DCDC2: variants seen among roughly 807,000 people sequenced by gnomAD.
DCDC2 encodes the protein doublecortin domain-containing protein 2.
In DCDC2, 40 loss-of-function variants were observed where a neutral mutation model predicts 50.2. The ratio of observed to expected loss-of-function variants is 0.80; its 90% confidence interval spans 0.62 to 1.04. The LOEUF (loss-of-function observed/expected upper bound fraction) is 1.04. Among genes scored for constraint, DCDC2 ranks in the 50% least tolerant of loss-of-function variants. The pLI is 0.00. For missense variants in DCDC2, 570 were observed against 581.9 expected, an observed-to-expected ratio of 0.98 and a Z score of 0.21; for synonymous variants, 234 against 210.6, an observed-to-expected ratio of 1.11 and a Z score of -0.96.
upstream of DCDC2, among the ~76,000 whole-genome samples, chr6:24,362,403 A>ATGTT (rs1760682755): frequency 2.6e-4 from 37 of 140,828 alleles, no homozygotes; most frequent in Admixed American, 4.9e-4. Flanking sequence ...ATTTAATTGT[A>ATGTT]TATTTATACA....
chr6:24,241,096 C>T (rs891747995), intron 7 of DCDC2, among the ~76,000 whole-genome samples: 1 of 152,172 alleles, frequency 6.6e-6, no homozygotes, highest in African/African-American at 2.4e-5. Context: ...TTACCTTTGG[C>T]TTATAAAGCC....
intron 7 of DCDC2, among the ~76,000 whole-genome samples, chr6:24,232,685 T>G (rs997747336): frequency 6.6e-6 from 1 of 152,210 alleles, no homozygotes; most frequent in Non-Finnish European, 1.5e-5. Flanking sequence ...ATTATTTTGA[T>G]GGGTTGAACA....
chr6:24,335,370 G>T (rs1399950058), intron 2 of DCDC2, among the ~76,000 whole-genome samples: 1 of 152,186 alleles, frequency 6.6e-6, no homozygotes, highest in Non-Finnish European at 1.5e-5. Flanking sequence ...AGAATTAGCG[G>T]CATTAATTTT....
intron 8 of DCDC2, among the ~76,000 whole-genome samples, chr6:24,203,764 T>C (rs1278368416): frequency 2.0e-5 from 3 of 151,606 alleles, no homozygotes; most frequent in Non-Finnish European, 4.4e-5. Flanking sequence ...ATTCAGAATC[T>C]ACAAGGAACT....
chr6:24,369,372 G>T, the DCDC2 span, among the ~76,000 whole-genome samples: 1 of 152,092 alleles, frequency 6.6e-6, no homozygotes, highest in Admixed American at 6.6e-5. Flanking sequence ...ACTTTGAGAG[G>T]CTGAGGCAGG....
At chr6:24,314,538 A>C (rs137910624) in intron 2 of DCDC2, among the ~76,000 whole-genome samples, 33 of 152,278 alleles carry the variant, frequency 2.2e-4, no homozygotes, top group Middle Eastern at 3.4e-3. Context: ...TGGCCTTACT[A>C]ACCCTAAATG....
At chr6:24,310,614 A>G (rs1759554384) in intron 2 of DCDC2, among the ~76,000 whole-genome samples, 1 of 152,216 alleles carries the variant, frequency 6.6e-6, no homozygotes, top group Non-Finnish European at 1.5e-5. Context: ...CATTTTGCCA[A>G]TGACAACCAA....
chr6:24,238,795 C>G (rs1360337066), intron 7 of DCDC2, among the ~76,000 whole-genome samples: 3 of 152,068 alleles, frequency 2.0e-5, no homozygotes, highest in Non-Finnish European at 2.9e-5. Context: ...GCAGATAGCC[C>G]CATCAGGAGC....
At chr6:24,357,365 T>C (rs1760490642) in intron 1 of DCDC2, 93 bp downstream of exon 1, 3 of 1,401,404 alleles carry the variant, frequency 2.1e-6, no homozygotes, top group East Asian at 4.7e-5. Flanking sequence ...CCTCAACCAC[T>C]GAGGTGTGGG....
chr6:24,244,648 A>G (rs1450148307), intron 7 of DCDC2, among the ~76,000 whole-genome samples: 1 of 152,174 alleles, frequency 6.6e-6, no homozygotes, highest in East Asian at 1.9e-4. Flanking sequence ...TTTCCTCTCC[A>G]TTCCCCACCT....
chr6:24,175,382 C>A (rs1246554056), intron 9 of DCDC2, among the ~76,000 whole-genome samples: 2 of 152,244 alleles, frequency 1.3e-5, no homozygotes, highest in East Asian at 3.9e-4. Flanking sequence ...GACATTGTCT[C>A]ATGTACAACT....
In DCDC2 at chr6:24,349,339, T is replaced by C. The variant is rs146980119; in HGVS notation, c.348+4230A>G. On this transcript the variant is annotated intron_variant, in intron 2 of 9. Transcript: ENST00000378454. ...ATTCCTGGATGTGAGAGGTCATGCA[T>C]GTCTTAATCATTTTGCTTACTCTGC... Among the ~76,000 whole-genome samples the C allele has an allele frequency of 4.6e-5, 7 of 152,382 alleles. No homozygotes were observed. In the East Asian group the frequency reaches 1.2e-3, roughly 25 times the overall value.
intron 7 of DCDC2, among the ~76,000 whole-genome samples, chr6:24,254,431 T>G (rs1259365693): frequency 6.6e-6 from 1 of 152,152 alleles, no homozygotes; most frequent in Non-Finnish European, 1.5e-5. Flanking sequence ...CACAAACACA[T>G]GACTAATGAC....
intron 4 of DCDC2, among the ~76,000 whole-genome samples, chr6:24,299,284 T>C (rs1759322665): frequency 1.3e-5 from 2 of 152,110 alleles, no homozygotes; most frequent in South Asian, 4.1e-4. Flanking sequence ...GGAGCTTAAA[T>C]ATTGGGTACA....
At chr6:24,181,908 A>G (rs551116081) in intron 8 of DCDC2, among the ~76,000 whole-genome samples, 1 of 152,332 alleles carries the variant, frequency 6.6e-6, no homozygotes, top group South Asian at 2.1e-4. Flanking sequence ...TCTTTATTTC[A>G]AAGCTTACTG....
chr6:24,344,859 A>T (rs138841169), intron 2 of DCDC2, among the ~76,000 whole-genome samples: 453 of 152,340 alleles, frequency 3.0e-3, no homozygotes, highest in African/African-American at 0.011. Context: ...ACTGATGTGA[A>T]CTGGCTTTCC....
At chr6:24,338,050 C>T (rs374044591) in intron 2 of DCDC2, among the ~76,000 whole-genome samples, 24 of 152,316 alleles carry the variant, frequency 1.6e-4, no homozygotes, top group African/African-American at 5.1e-4. Flanking sequence ...ACACACAATA[C>T]ATGAACACAC....
intron 2 of DCDC2, among the ~76,000 whole-genome samples, chr6:24,342,688 C>T (rs1462521277): frequency 2.2e-5 from 3 of 135,740 alleles, no homozygotes; most frequent in Non-Finnish European, 3.0e-5. Context: ...TTAGTAGTCT[C>T]CAATTAAAAA....
intron 1 of DCDC2, among the ~76,000 whole-genome samples, chr6:24,356,379 A>G (rs1760466771): frequency 6.6e-6 from 1 of 152,146 alleles, no homozygotes; most frequent in African/African-American, 2.4e-5. Flanking sequence ...TTCAGAAAAT[A>G]GATTAGTGGT....
Sources: gnomAD v4.1 joint callset for allele counts (sites outside exome capture counted in the v4.1 genomes callset) on GRCh38, gnomAD v4.1.1 for gene constraint, MANE v1.5 for transcripts, NCBI Gene and HGNC (gene_info 2026-07-23, HGNC 2026-07-21) for gene names.